TMEM132D: variants seen among roughly 807,000 people sequenced by gnomAD.
TMEM132D encodes mature OL transmembrane protein.
In TMEM132D, 21 loss-of-function variants were observed where a neutral mutation model predicts 62.3. The observed-to-expected ratio is 0.34, with a 90% CI of 0.24 to 0.49. The LOEUF is 0.49. Ranked by LOEUF, TMEM132D falls within the 20% of genes least tolerant of loss-of-function variation. The pLI, the probability that TMEM132D is intolerant of heterozygous loss-of-function variation, is 0.99. For missense variants in TMEM132D, 1,346 were observed against 1,402.8 expected, an observed-to-expected ratio of 0.96 and a Z score of 0.65; for synonymous variants, 621 against 575.6, an observed-to-expected ratio of 1.08 and a Z score of -1.13.
chr12:129,182,221 G>A (rs935709281), intron 5 of TMEM132D, among the ~76,000 whole-genome samples: 6 of 152,096 alleles, frequency 3.9e-5, no homozygotes, highest in South Asian at 2.1e-4. Flanking sequence ...AAAATTAGCC[G>A]GGTGCAGTGG....
chr12:129,510,433 T>C (rs562743827), intron 3 of TMEM132D, among the ~76,000 whole-genome samples: 1 of 152,294 alleles, frequency 6.6e-6, no homozygotes, highest in East Asian at 1.9e-4. Context: ...ACTTTGTTGA[T>C]TGTATCCTTT....
rs1005304414 is a variant in TMEM132D at position 129,578,974 on chromosome 12, G to A, written c.969-47769C>T. On this transcript the variant is annotated intron_variant, in intron 2 of 8. Transcript: ENST00000422113. ...TAACCAGCTATCTGGGCATCCCACA[G>A]TCCAGTCATGTTAACACATCAAAAA... Among the ~76,000 whole-genome samples the A allele has an allele frequency of 2.6e-5, 4 of 152,232 alleles. No homozygotes were observed. The South Asian group carries it at 8.3e-4, about 32-fold the overall frequency.
At chr12:129,400,768 C>T (rs1354943687) in intron 3 of TMEM132D, among the ~76,000 whole-genome samples, 7 of 152,014 alleles carry the variant, frequency 4.6e-5, no homozygotes, top group Admixed American at 2.6e-4. Context: ...AATCTTTGTG[C>T]CAAGCTAAAT....
intron 2 of TMEM132D, among the ~76,000 whole-genome samples, chr12:129,668,801 G>A (rs1880437014): frequency 6.6e-6 from 1 of 152,210 alleles, no homozygotes; most frequent in Non-Finnish European, 1.5e-5. Context: ...ATTGGAGAAA[G>A]CGGTTATTTT....
intron 2 of TMEM132D, among the ~76,000 whole-genome samples, chr12:129,585,779 G>A (rs1043309618): frequency 2.0e-4 from 31 of 151,902 alleles, no homozygotes; most frequent in Non-Finnish European, 3.7e-4. Context: ...ATCATATAAT[G>A]CATTTCCAAT....
At chr12:129,208,385 C>G (rs1045162871) in intron 5 of TMEM132D, among the ~76,000 whole-genome samples, 1 of 152,152 alleles carries the variant, frequency 6.6e-6, no homozygotes, top group Non-Finnish European at 1.5e-5. Context: ...GGTAGGAGTG[C>G]TGTATGATGT....
In TMEM132D at chr12:129,291,204, T is replaced by G. The variant is rs577903871; in HGVS notation, c.1299+46430A>C. Among the ~76,000 whole-genome samples the G allele has an allele frequency of 2.0e-5, 3 of 152,328 alleles. No homozygotes were observed. In the East Asian group the frequency reaches 5.8e-4, roughly 29 times the overall value. On this transcript the variant is annotated intron_variant, in intron 4 of 8. Transcript: ENST00000422113. The stretch of plus-strand genomic sequence containing the variant: ...TCTGCAGGATTTATTCTATTTTGTT[T>G]TAATATTATGCAGCCCTAATTTTAA...
intron 8 of TMEM132D, among the ~76,000 whole-genome samples, chr12:129,076,375 C>A (rs1874257005): frequency 6.6e-6 from 1 of 152,054 alleles, no homozygotes; most frequent in African/African-American, 2.4e-5. Flanking sequence ...CATAACACAT[C>A]CTTTGTTATT....
intron 1 of TMEM132D, among the ~76,000 whole-genome samples, chr12:129,702,151 T>C (rs1322362991): frequency 6.6e-6 from 1 of 152,212 alleles, no homozygotes; most frequent in Non-Finnish European, 1.5e-5. Flanking sequence ...CAGAAAGCCC[T>C]GGATGAAAAA....
Position 129,758,936 on chromosome 12 carries a change from CT to C in TMEM132D, c.80-58239del, listed in dbSNP as rs570116732. ...GTGTGTTTAATTTCTTTCTTTCTTTCTTTTTTTTTTTTTTTAGATGGAGTTT... is the reference window on the plus strand; with the variant it reads ...GTGTGTTTAATTTCTTTCTTTCTTTCTTTTTTTTTTTTTTAGATGGAGTTT... On this transcript the variant is annotated intron_variant, in intron 1 of 8. Transcript: ENST00000422113. 9.5e-3 allele frequency among the ~76,000 whole-genome samples: 1,311 copies of C among 138,070 alleles called. 5 individuals carry two copies. The highest frequency in any genetic ancestry group is 0.019 in the Middle Eastern group (5 of 264). 90.6% of individuals were successfully genotyped at this position (138,070 alleles called of 152,430 possible).
rs909165609 is a variant in TMEM132D, at chr12:129,563,175, T to C, written c.969-31970A>G. 3.1e-4 allele frequency among the ~76,000 whole-genome samples: 47 copies of C among 152,324 alleles called. 1 individual carries two copies. Among genetic ancestry groups the C allele is most frequent in the Middle Eastern group, 3.4e-3 (1 of 294 alleles). On this transcript the variant is annotated intron_variant, in intron 2 of 8. Transcript: ENST00000422113. The stretch of plus-strand genomic sequence containing the variant: ...AAACATACATCTGGAATGCTAAAAG[T>C]AGGCAGTAGAGAATAACTGCAAGAT...
intron 1 of TMEM132D, among the ~76,000 whole-genome samples, chr12:129,806,812 G>A (rs997159385): frequency 6.6e-6 from 1 of 152,196 alleles, no homozygotes; most frequent in Non-Finnish European, 1.5e-5. Context: ...CATTGCTTGA[G>A]CCCAGGCGTT....
At position 129,456,593 on chromosome 12, in the gene TMEM132D, A is replaced by G. The variant is rs66740165; in HGVS notation, c.1115+74466T>C. Among the ~76,000 whole-genome samples, 5 of 152,326 alleles carry G rather than the reference A, an allele frequency of 3.3e-5. No homozygotes were observed. In the East Asian group the frequency reaches 9.7e-4, roughly 29 times the overall value. ...ACTGTTCTTTGTTCACAAAATTGAC[A>G]ATCTGAGTTTGTCCCAGAAAAGGGA... On this transcript the variant is annotated intron_variant, in intron 3 of 8. Coordinates refer to ENST00000422113, the MANE Select transcript of TMEM132D (RefSeq NM_133448.3).
chr12:129,601,063 T>C (rs1369706044), intron 2 of TMEM132D, among the ~76,000 whole-genome samples: 1 of 152,158 alleles, frequency 6.6e-6, no homozygotes, highest in Admixed American at 6.5e-5. Context: ...ACACGGAAAA[T>C]CTTTTATTTA....
intron 2 of TMEM132D, among the ~76,000 whole-genome samples, chr12:129,696,500 T>C (rs1198282104): frequency 1.3e-5 from 2 of 152,212 alleles, no homozygotes; most frequent in Admixed American, 6.5e-5. Context: ...CGGCTGACTG[T>C]TGTGGGCTGT....
intron 3 of TMEM132D, among the ~76,000 whole-genome samples, chr12:129,517,915 G>A (rs959178651): frequency 2.0e-5 from 3 of 152,122 alleles, no homozygotes; most frequent in Non-Finnish European, 4.4e-5. Flanking sequence ...ACTTATCGGT[G>A]TCCTTAGTTT....
chr12:129,168,846 C>T (rs1877637306), intron 5 of TMEM132D, among the ~76,000 whole-genome samples: 1 of 152,114 alleles, frequency 6.6e-6, no homozygotes, highest in Non-Finnish European at 1.5e-5. Context: ...AACCGCTGAC[C>T]TAACTAACTC....
At chr12:129,080,377 T>G (rs928231081) in intron 7 of TMEM132D, among the ~76,000 whole-genome samples, 2 of 152,234 alleles carry the variant, frequency 1.3e-5, no homozygotes, top group Non-Finnish European at 2.9e-5. Flanking sequence ...GCTGTCTGTC[T>G]TTCAGCACAC....
intron 4 of TMEM132D, 125 bp downstream of exon 4, chr12:129,337,509 C>T (rs1593342263): frequency 3.5e-6 from 4 of 1,126,858 alleles, no homozygotes; most frequent in Non-Finnish European, 3.8e-6. Flanking sequence ...TTTGTGGTTT[C>T]GTTTCTCACT....
Sources: allele counts gnomAD v4.1 joint callset (sites outside exome capture counted in the v4.1 genomes callset), GRCh38; gene constraint gnomAD v4.1.1; transcripts MANE v1.5; gene names NCBI Gene and HGNC (gene_info 2026-07-23, HGNC 2026-07-21).